The following MTMR2 variants were observed in gnomAD, a reference collection of about 807,000 sequenced individuals.
MTMR2 encodes the protein phosphatidylinositol-3,5-bisphosphate 3-phosphatase MTMR2.
In MTMR2, 55 loss-of-function variants were observed where a neutral mutation model predicts 86.9. The ratio of observed to expected loss-of-function variants is 0.63; its 90% CI spans 0.51 to 0.79. The LOEUF is 0.79. Among genes scored for constraint, MTMR2 ranks in the 30% least tolerant of loss-of-function variants. The pLI, the probability that MTMR2 is intolerant of heterozygous loss-of-function variation, is 0.00. For missense variants in MTMR2, 659 were observed against 772.3 expected, an observed-to-expected ratio of 0.85 and a Z score of 1.74; for synonymous variants, 241 against 266.8, an observed-to-expected ratio of 0.90 and a Z score of 0.94.
At chr11:95,922,432 T>G (rs1421979796) in intron 1 of MTMR2, among the ~76,000 whole-genome samples, 1 of 152,150 alleles carries the variant, frequency 6.6e-6, no homozygotes, top group Non-Finnish European at 1.5e-5. Context: ...AACATGTTAA[T>G]CCTCAGCTTT....
At chr11:95,857,753 T>C in intron 6 of MTMR2, 118 bp from the exon 7 acceptor site, 1 of 685,162 alleles carries the variant, frequency 1.5e-6, no homozygotes, top group Non-Finnish European at 2.6e-6. Flanking sequence ...ATTTTATGTA[T>C]TAGCATCCTT....
At chr11:95,877,267 C>T (rs1385051849) in intron 2 of MTMR2, among the ~76,000 whole-genome samples, 1 of 144,222 alleles carries the variant, frequency 6.9e-6, no homozygotes, top group Non-Finnish European at 1.5e-5. Flanking sequence ...CACAGACTGG[C>T]ATCTGGGATA....
At chr11:95,891,314 G>A (rs1465401922) in intron 1 of MTMR2, among the ~76,000 whole-genome samples, 2 of 152,012 alleles carry the variant, frequency 1.3e-5, no homozygotes, top group East Asian at 3.9e-4. Flanking sequence ...AGCCAGGAGT[G>A]GTGGCACATG....
At chr11:95,846,809 C>T (rs984780287) in intron 10 of MTMR2, among the ~76,000 whole-genome samples, 5 of 150,842 alleles carry the variant, frequency 3.3e-5, no homozygotes, top group East Asian at 1.9e-4. Flanking sequence ...CATGAACATG[C>T]TCTCTGAGTA....
intron 8 of MTMR2, 74 bp from the exon 9 acceptor site, chr11:95,849,936 A>G (rs1590984275): frequency 2.2e-6 from 3 of 1,383,750 alleles, no homozygotes; most frequent in Non-Finnish European, 3.1e-6. Flanking sequence ...AGTACTCAGT[A>G]AAGCTCTGCT....
At chr11:95,890,088 A>G (rs1865662984) in intron 1 of MTMR2, among the ~76,000 whole-genome samples, 1 of 152,244 alleles carries the variant, frequency 6.6e-6, no homozygotes, top group Non-Finnish European at 1.5e-5. Flanking sequence ...CCTCCCCAAA[A>G]AAGAAATTGT....
At chr11:95,880,630 A>G (rs1337341978) in intron 2 of MTMR2, among the ~76,000 whole-genome samples, 1 of 152,112 alleles carries the variant, frequency 6.6e-6, no homozygotes, top group Non-Finnish European at 1.5e-5. Context: ...TGAATGTGAA[A>G]TAAGTTTTCT....
At chr11:95,899,524 TAA>T (rs1044413423) in intron 1 of MTMR2, among the ~76,000 whole-genome samples, 1 of 152,014 alleles carries the variant, frequency 6.6e-6, no homozygotes, top group Non-Finnish European at 1.5e-5. Flanking sequence ...TATGAAGATA[TAA>T]GTGTGATACA....
chr11:95,880,561 C>T (rs530764405), intron 2 of MTMR2, among the ~76,000 whole-genome samples: 2 of 152,192 alleles, frequency 1.3e-5, no homozygotes, highest in East Asian at 3.9e-4. Context: ...AGAATTCCCA[C>T]TGCCCCACTT....
intron 1 of MTMR2, among the ~76,000 whole-genome samples, chr11:95,891,716 C>T (rs886325653): frequency 6.6e-6 from 1 of 152,052 alleles, no homozygotes; most frequent in African/African-American, 2.4e-5. Context: ...TTCTGTATAA[C>T]CAGTCTACAA....
chr11:95,924,004 C>T lies in MTMR2; in HGVS notation c.-50G>A. On this transcript the variant is annotated 5_prime_UTR_variant, in exon 1 of 15. Transcript: ENST00000346299. Reference sequence around the variant, plus strand: ...AAGGCTGAAGCAGTCTTCGCGGCTACAGGGCGGGAGAAGCGGAGGGCGGAG... The same window carrying T: ...AAGGCTGAAGCAGTCTTCGCGGCTATAGGGCGGGAGAAGCGGAGGGCGGAG... 1.3e-6 allele frequency: 2 copies of T among 1,548,912 alleles called. No individual in the cohort carries two copies. The highest frequency in any genetic ancestry group is 1.7e-6 in the Non-Finnish European group (2 of 1,145,656).
At chr11:95,873,597 T>C (rs1192713344) in intron 2 of MTMR2, among the ~76,000 whole-genome samples, 1 of 152,158 alleles carries the variant, frequency 6.6e-6, no homozygotes, top group Non-Finnish European at 1.5e-5. Flanking sequence ...CTCTATCTCC[T>C]TCAGTTCTGC....
intron 1 of MTMR2, among the ~76,000 whole-genome samples, chr11:95,895,295 T>C (rs900922504): frequency 6.6e-6 from 1 of 152,038 alleles, no homozygotes; most frequent in Non-Finnish European, 1.5e-5. Flanking sequence ...GATGGCTCCA[T>C]GTGCTAATGA....
In MTMR2 at chr11:95,849,781, T is replaced by C. The variant is rs1324793477; in HGVS notation, c.886A>G (p.Ser296Gly). Residue 296 changes from serine (S) to glycine (G), a missense_variant, in exon 9 of 15, where the codon AGC becomes GGC. Ser to Gly is a moderately conservative substitution (Grantham distance 56). Coordinates refer to ENST00000346299, the MANE Select transcript of MTMR2 (RefSeq NM_016156.6). ...QPMVGVSGKR[S>G]KEDEKYLQAI... The stretch of plus-strand genomic sequence containing the variant: ...TGAAGGTATTTTTCATCTTCTTTGC[T>C]TCGCTTTCCACTCACTCCAACCATG... 6.2e-7 allele frequency: 1 copy of C among 1,614,176 alleles called. No homozygotes were observed. The highest frequency in any genetic ancestry group is 2.2e-5 in the East Asian group (1 of 44,878).
At chr11:95,919,735 G>A (rs960323552) in intron 1 of MTMR2, among the ~76,000 whole-genome samples, 2 of 152,102 alleles carry the variant, frequency 1.3e-5, no homozygotes, top group African/African-American at 4.8e-5. Context: ...CAAGTGTTCA[G>A]GCCAAATTCA....
At chr11:95,842,095 A>G (rs1430337670) in intron 11 of MTMR2, among the ~76,000 whole-genome samples, 1 of 152,218 alleles carries the variant, frequency 6.6e-6, no homozygotes, top group East Asian at 1.9e-4. Flanking sequence ...TGTCTCAAAT[A>G]CATAAAAATT....
intron 2 of MTMR2, among the ~76,000 whole-genome samples, chr11:95,873,857 A>T (rs1466297335): frequency 6.6e-6 from 1 of 151,950 alleles, no homozygotes; most frequent in African/African-American, 2.4e-5. Context: ...TATGTACCCA[A>T]TAGTCATTCA....
At chr11:95,901,278 C>A (rs559722667) in intron 1 of MTMR2, among the ~76,000 whole-genome samples, 2 of 152,166 alleles carry the variant, frequency 1.3e-5, no homozygotes, top group African/African-American at 4.8e-5. Context: ...GCCCCACACT[C>A]TCTCTCCAGC....
intron 1 of MTMR2, among the ~76,000 whole-genome samples, chr11:95,902,204 C>A (rs1337792936): frequency 6.6e-6 from 1 of 152,132 alleles, no homozygotes; most frequent in Non-Finnish European, 1.5e-5. Context: ...GATGGTATAT[C>A]ATATAATTGG....
Sources: allele counts gnomAD v4.1 joint callset (sites outside exome capture counted in the v4.1 genomes callset), GRCh38; gene constraint gnomAD v4.1.1; transcripts MANE v1.5; gene names NCBI Gene and HGNC (gene_info 2026-07-23, HGNC 2026-07-21).